Variants in LRRTM4 observed in about 807,000 individuals in gnomAD.
LRRTM4 encodes leucine rich repeat transmembrane neuronal 4, also known as leucine-rich repeat transmembrane neuronal protein 4.
LRRTM4 carries 25 observed loss-of-function variants against 47.6 expected under a neutral mutation model. The ratio of observed to expected loss-of-function variants is 0.53; its 90% confidence interval spans 0.38 to 0.73. The LOEUF (loss-of-function observed/expected upper bound fraction) is 0.73, where lower values mean the gene tolerates loss of function less well. Ranked by LOEUF, LRRTM4 falls within the 30% of genes least tolerant of loss-of-function variation. The pLI is 0.00. For synonymous variants in LRRTM4, 311 were observed against 269.5 expected, an observed-to-expected ratio of 1.15 and a Z score of -1.51; for missense variants, 638 against 713.4, an observed-to-expected ratio of 0.89 and a Z score of 1.20.
chr2:76,976,156 TA>T (rs1329698634), intron 3 of LRRTM4, among the ~76,000 whole-genome samples: 1 of 151,816 alleles, frequency 6.6e-6, no homozygotes, highest in Admixed American at 6.6e-5. Flanking sequence ...TCCTTTCCTT[TA>T]AATGTATAAG....
At chr2:77,413,320 T>C (rs1263782666) in intron 3 of LRRTM4, among the ~76,000 whole-genome samples, 1 of 152,188 alleles carries the variant, frequency 6.6e-6, no homozygotes, top group Non-Finnish European at 1.5e-5. Context: ...GATCCATGTC[T>C]CAGGGCCCTT....
intron 3 of LRRTM4, among the ~76,000 whole-genome samples, chr2:77,323,381 G>A (rs1439214297): frequency 6.6e-6 from 1 of 152,048 alleles, no homozygotes; most frequent in African/African-American, 2.4e-5. Flanking sequence ...GTTAGAGTTG[G>A]GAGAAAACTT....
intron 3 of LRRTM4, among the ~76,000 whole-genome samples, chr2:77,066,232 C>T (rs549785194): frequency 1.7e-4 from 25 of 151,162 alleles, no homozygotes; most frequent in African/African-American, 5.3e-4. Flanking sequence ...CAATATAGTA[C>T]GTAGGTTTTT....
rs1340527936 is a variant in LRRTM4, at chr2:76,748,570, C to A, written c.*125G>T. The stretch of plus-strand genomic sequence containing the variant: ...TTTTTCTCTTTTTCTTTTCTCTATG[C>A]CATAAATGTTTTAACAGGAACGATG... On this transcript the variant is annotated 3_prime_UTR_variant, in exon 4 of 4. Coordinates refer to ENST00000409884, the MANE Select transcript of LRRTM4 (RefSeq NM_001134745.3). 8 of 764,936 alleles carry A rather than the reference C, an allele frequency of 1.0e-5. No individual in the cohort carries two copies. Among genetic ancestry groups the A allele is most frequent in the Admixed American group, 7.6e-5 (3 of 39,370 alleles). 47.4% of individuals were successfully genotyped at this position (764,936 alleles called of 1,614,324 possible). A position where few individuals can be genotyped will look rare whatever the true frequency, so the allele number is the denominator to read the frequency against.
At chr2:77,323,581 G>A (rs1373801359) in intron 3 of LRRTM4, among the ~76,000 whole-genome samples, 2 of 152,014 alleles carry the variant, frequency 1.3e-5, no homozygotes, top group Non-Finnish European at 2.9e-5. Flanking sequence ...GTAATTTCTG[G>A]TCAAAAGGCA....
intron 3 of LRRTM4, among the ~76,000 whole-genome samples, chr2:77,046,617 T>C (rs1384931367): frequency 6.6e-6 from 1 of 151,986 alleles, no homozygotes. Context: ...AATGTTGCAG[T>C]GCAGAGATTC....
chr2:77,467,778 A>G (rs1336593217), intron 3 of LRRTM4, among the ~76,000 whole-genome samples: 2 of 152,210 alleles, frequency 1.3e-5, no homozygotes, highest in Non-Finnish European at 1.5e-5. Context: ...GAGAGTGGTC[A>G]TAAGTTTGGA....
chr2:77,282,703 A>G (rs1402017364), intron 3 of LRRTM4, among the ~76,000 whole-genome samples: 1 of 152,000 alleles, frequency 6.6e-6, no homozygotes, highest in Non-Finnish European at 1.5e-5. Flanking sequence ...ACCTACAACC[A>G]TCTAATTTTT....
chr2:76,866,320 C>T (rs1672467130), intron 3 of LRRTM4, among the ~76,000 whole-genome samples: 1 of 152,194 alleles, frequency 6.6e-6, no homozygotes, highest in Admixed American at 6.5e-5. Flanking sequence ...AAGAGCTCGC[C>T]TACATGAAAC....
chr2:76,903,684 C>T (rs1673722550), intron 3 of LRRTM4, among the ~76,000 whole-genome samples: 2 of 152,098 alleles, frequency 1.3e-5, no homozygotes, highest in Non-Finnish European at 2.9e-5. Flanking sequence ...AGATGATATT[C>T]TTGTAACTAG....
At chr2:76,943,304 C>T (rs572365465) in intron 3 of LRRTM4, among the ~76,000 whole-genome samples, 38 of 152,160 alleles carry the variant, frequency 2.5e-4, no homozygotes, top group African/African-American at 7.9e-4. Context: ...GGCATGGTGG[C>T]GGGCGCCTGT....
intron 3 of LRRTM4, among the ~76,000 whole-genome samples, chr2:77,237,167 AT>A (rs34136416): frequency 0.44 from 61,742 of 141,108 alleles, 14,922 homozygotes; most frequent in Non-Finnish European, 0.56. Context: ...TTGTTGGGGG[AT>A]TTTTTTTTTT....
At chr2:77,071,979 T>G (rs528462669) in intron 3 of LRRTM4, among the ~76,000 whole-genome samples, 1 of 152,304 alleles carries the variant, frequency 6.6e-6, no homozygotes, top group Non-Finnish European at 1.5e-5. Context: ...TTGGTAAGAC[T>G]CTCTTATTTT....
chr2:77,046,386 G>T (rs903426382), intron 3 of LRRTM4, among the ~76,000 whole-genome samples: 4 of 151,856 alleles, frequency 2.6e-5, no homozygotes, highest in Admixed American at 1.3e-4. Context: ...TTTTTTTCTA[G>T]AAAAATAGTT....
chr2:76,760,537 C>T (rs1489602827), intron 3 of LRRTM4, among the ~76,000 whole-genome samples: 1 of 152,030 alleles, frequency 6.6e-6, no homozygotes, highest in Admixed American at 6.6e-5. Context: ...ACGTCTGCTA[C>T]TGCTACCCTG....
chr2:77,215,952 A>T (rs1362950112), intron 3 of LRRTM4, among the ~76,000 whole-genome samples: 1 of 152,148 alleles, frequency 6.6e-6, no homozygotes, highest in Non-Finnish European at 1.5e-5. Context: ...GGTCAGTAAG[A>T]GCTGCCTCCT....
chr2:76,783,313 G>C (rs1674497421), intron 3 of LRRTM4, among the ~76,000 whole-genome samples: 1 of 152,026 alleles, frequency 6.6e-6, no homozygotes, highest in Non-Finnish European at 1.5e-5. Context: ...TTAAATTAAA[G>C]GCAAATAATG....
At chr2:77,074,051 A>G (rs760449961) in intron 3 of LRRTM4, among the ~76,000 whole-genome samples, 41 of 151,508 alleles carry the variant, frequency 2.7e-4, no homozygotes, top group Non-Finnish European at 5.2e-4. Context: ...TAAAAAGTTC[A>G]CTCTTCTTAT....
chr2:77,091,674 T>A (rs1465859195), intron 3 of LRRTM4, among the ~76,000 whole-genome samples: 1 of 149,378 alleles, frequency 6.7e-6, no homozygotes, highest in Non-Finnish European at 1.5e-5. Context: ...CTCTCTTCGC[T>A]TTCACTTGGA....
Sources: allele counts gnomAD v4.1 joint callset (sites outside exome capture counted in the v4.1 genomes callset), GRCh38; gene constraint gnomAD v4.1.1; transcripts MANE v1.5; gene names NCBI Gene and HGNC (gene_info 2026-07-23, HGNC 2026-07-21).